The following PTCHD4 variants were observed in gnomAD, a reference collection of about 807,000 sequenced individuals.
PTCHD4 encodes patched domain-containing protein 4.
A neutral mutation model predicts 58.1 loss-of-function variants in PTCHD4; 33 were observed. That is an observed-to-expected ratio of 0.57 (90% CI 0.43 to 0.76). PTCHD4 has a LOEUF of 0.76. Ranked by LOEUF, PTCHD4 falls within the 30% of genes least tolerant of loss-of-function variation. The pLI is 0.00. For synonymous variants in PTCHD4, 478 were observed against 409.6 expected, an observed-to-expected ratio of 1.17 and a Z score of -2.02; for missense variants, 1,058 against 1,027.1, an observed-to-expected ratio of 1.03 and a Z score of -0.41.
At chr6:47,906,875 T>C (rs1764905030) in intron 4 of PTCHD4, among the ~76,000 whole-genome samples, 1 of 152,202 alleles carries the variant, frequency 6.6e-6, no homozygotes, top group African/African-American at 2.4e-5. Flanking sequence ...TATAGAGTTA[T>C]TTTGAATTTA....
chr6:47,880,196 A>G (rs1763979543), intron 4 of PTCHD4, among the ~76,000 whole-genome samples: 1 of 152,154 alleles, frequency 6.6e-6, no homozygotes, highest in African/African-American at 2.4e-5. Flanking sequence ...GACAAGTTGT[A>G]AATATAATGT....
At chr6:48,065,646 G>T (rs1764768708) in intron 3 of PTCHD4, among the ~76,000 whole-genome samples, 1 of 152,132 alleles carries the variant, frequency 6.6e-6, no homozygotes, top group South Asian at 2.1e-4. Flanking sequence ...GGCATCCATG[G>T]TACTCCTAAG....
chr6:48,086,328 AAAG>A (rs1220681219), intron 1 of PTCHD4, among the ~76,000 whole-genome samples: 5 of 152,306 alleles, frequency 3.3e-5, no homozygotes, highest in South Asian at 2.1e-4. Flanking sequence ...TTGACAATTT[AAAG>A]AAGAAGACCC....
intron 4 of PTCHD4, among the ~76,000 whole-genome samples, chr6:47,963,974 T>C (rs1188334940): frequency 1.3e-5 from 2 of 152,236 alleles, no homozygotes; most frequent in African/African-American, 4.8e-5. Flanking sequence ...AACCACTCAT[T>C]ATCAAGATGA....
chr6:47,888,208 T>G, intron 4 of PTCHD4, among the ~76,000 whole-genome samples: 1 of 143,278 alleles, frequency 7.0e-6, no homozygotes, highest in East Asian at 2.2e-4. Context: ...ATACAAAAAA[T>G]TAGCCGGGTG....
intron 3 of PTCHD4, among the ~76,000 whole-genome samples, chr6:48,015,738 G>A (rs142347498): frequency 1.8e-4 from 28 of 151,868 alleles, no homozygotes; most frequent in Non-Finnish European, 3.7e-4. Flanking sequence ...TCATTTAATT[G>A]CTCCTTTTTG....
At chr6:47,913,679 A>G (rs1765138831) in intron 4 of PTCHD4, among the ~76,000 whole-genome samples, 2 of 152,164 alleles carry the variant, frequency 1.3e-5, no homozygotes, top group South Asian at 2.1e-4. Flanking sequence ...GTGCACAGAA[A>G]CAAAGAGAGC....
At chr6:47,896,895 C>T (rs1350231790) in intron 4 of PTCHD4, among the ~76,000 whole-genome samples, 2 of 152,204 alleles carry the variant, frequency 1.3e-5, no homozygotes, top group African/African-American at 4.8e-5. Context: ...AATCGTCAGA[C>T]TCTTACTCCA....
chr6:47,873,305 C>T lies in PTCHD4; in HGVS notation c.*4998G>A, dbSNP rs577177159. On this transcript the variant is annotated 3_prime_UTR_variant, in exon 5 of 5. Transcript: ENST00000339488. ...TCACAGAATATGTGGTATTATTCCA[C>T]TTGTTCTATCACACCTACTTACAGA... 4.6e-5 allele frequency among the ~76,000 whole-genome samples: 7 copies of T among 151,850 alleles called. No individual in the cohort carries two copies. In the East Asian group the frequency reaches 1.2e-3, roughly 25 times the overall value.
chr6:47,860,531 G>A lies in PTCHD4; in HGVS notation c.*17772C>T, dbSNP rs145817710. Among the ~76,000 whole-genome samples the A allele has an allele frequency of 4.1e-4, 62 of 151,962 alleles. 1 individual carries two copies. Among genetic ancestry groups the A allele is most frequent in the African/African-American group, 1.4e-3 (58 of 41,488 alleles). On this transcript the variant is annotated 3_prime_UTR_variant, in exon 5 of 5. Coordinates refer to ENST00000339488, the MANE Select transcript of PTCHD4 (RefSeq NM_001384253.1). The stretch of plus-strand genomic sequence containing the variant: ...ATACATCTGTAGATCTCTTCTTCCT[G>A]TCCTACAGAAAATGTAATCCCTCAT...
intron 4 of PTCHD4, among the ~76,000 whole-genome samples, chr6:47,903,148 A>G (rs376273319): frequency 1.0e-3 from 155 of 152,356 alleles, no homozygotes; most frequent in African/African-American, 3.5e-3. Flanking sequence ...ATTTGAGCAC[A>G]AAGATGAGTA....
At chr6:47,936,952 G>A (rs1314298589) in intron 4 of PTCHD4, among the ~76,000 whole-genome samples, 1 of 152,142 alleles carries the variant, frequency 6.6e-6, no homozygotes, top group Non-Finnish European at 1.5e-5. Flanking sequence ...AGCATTCTAG[G>A]CAGAGGGAAC....
chr6:48,108,049 C>T (rs1464093677), intron 1 of PTCHD4, among the ~76,000 whole-genome samples: 1 of 152,122 alleles, frequency 6.6e-6, no homozygotes, highest in Non-Finnish European at 1.5e-5. Context: ...GTGGCGATTC[C>T]TCAGGGATCT....
intron 1 of PTCHD4, among the ~76,000 whole-genome samples, chr6:48,079,169 C>T (rs1169917588): frequency 6.7e-6 from 1 of 148,740 alleles, no homozygotes; most frequent in Non-Finnish European, 1.5e-5. Flanking sequence ...TGTATGCTTA[C>T]ATTCAAATTG....
chr6:48,102,456 G>T (rs1765625015), intron 1 of PTCHD4, among the ~76,000 whole-genome samples: 1 of 152,164 alleles, frequency 6.6e-6, no homozygotes, highest in Admixed American at 6.5e-5. Context: ...AAAATGAAAA[G>T]CATTTTAAAA....
At chr6:47,996,661 C>T (rs1581991478) in intron 4 of PTCHD4, among the ~76,000 whole-genome samples, 1 of 152,216 alleles carries the variant, frequency 6.6e-6, no homozygotes, top group East Asian at 1.9e-4. Flanking sequence ...GAAACAGCTG[C>T]CCTACTTACC....
intron 3 of PTCHD4, among the ~76,000 whole-genome samples, chr6:48,028,260 GT>G (rs149937854): frequency 6.6e-6 from 1 of 151,336 alleles, no homozygotes; most frequent in Non-Finnish European, 1.5e-5. Flanking sequence ...TTTCTCTTTT[GT>G]TTTTTTTGAT....
At position 47,857,520 on chromosome 6, in the gene PTCHD4, T is replaced by A. The variant is rs1442939478; in HGVS notation, c.*20783A>T. Among the ~76,000 whole-genome samples the A allele has an allele frequency of 6.6e-6, 1 of 152,046 alleles. No homozygotes were observed. The highest frequency in any genetic ancestry group is 1.5e-5 in the Non-Finnish European group (1 of 67,966). On this transcript the variant is annotated 3_prime_UTR_variant, in exon 5 of 5. Coordinates refer to ENST00000339488, the MANE Select transcript of PTCHD4 (RefSeq NM_001384253.1). ...ATAAATGAGGAGTCTGGGTAGTACA[T>A]GAAGTAGTCACAGGTGATATCTACA...
intron 3 of PTCHD4, among the ~76,000 whole-genome samples, chr6:48,044,418 T>C (rs968462551): frequency 6.6e-6 from 1 of 151,908 alleles, no homozygotes; most frequent in Non-Finnish European, 1.5e-5. Flanking sequence ...AGATGCAACA[T>C]TTTGAAGACA....
Sources: gnomAD v4.1 joint callset for allele counts (sites outside exome capture counted in the v4.1 genomes callset) on GRCh38, gnomAD v4.1.1 for gene constraint, MANE v1.5 for transcripts, NCBI Gene and HGNC (gene_info 2026-07-23, HGNC 2026-07-21) for gene names.